The following ANTXR2 variants were observed in gnomAD, a reference collection of about 807,000 sequenced individuals.
ANTXR2 encodes the protein anthrax toxin receptor 2.
A neutral mutation model predicts 73.7 loss-of-function variants in ANTXR2; 44 were observed. That is an observed-to-expected ratio of 0.60 (90% CI 0.47 to 0.77). ANTXR2 has a LOEUF of 0.77. ANTXR2 is among the 30% of genes least tolerant of loss of function. ANTXR2 has a pLI of 0.00. For synonymous variants in ANTXR2, 217 were observed against 205.9 expected (o/e 1.05, Z -0.46); for missense variants, 604 against 592.5 (o/e 1.02, Z -0.20).
chr4:79,984,332 G>A (rs1730013484), intron 13 of ANTXR2, among the ~76,000 whole-genome samples: 2 of 152,284 alleles, frequency 1.3e-5, no homozygotes, highest in South Asian at 4.1e-4. Context: ...GCATCAATGT[G>A]TGTGTAGGTT....
At chr4:79,994,883 A>G (rs1730650759) in intron 12 of ANTXR2, among the ~76,000 whole-genome samples, 1 of 151,926 alleles carries the variant, frequency 6.6e-6, no homozygotes, top group Admixed American at 6.6e-5. Context: ...TTCTATTCTC[A>G]TTGTTAAAAT....
intron 16 of ANTXR2, among the ~76,000 whole-genome samples, chr4:79,944,924 C>T (rs1728462319): frequency 6.6e-6 from 1 of 152,056 alleles, no homozygotes; most frequent in Admixed American, 6.6e-5. Flanking sequence ...CCTAACAACA[C>T]TTCAATTTTC....
chr4:79,958,944 T>C (rs1187498074), intron 16 of ANTXR2, among the ~76,000 whole-genome samples: 1 of 152,146 alleles, frequency 6.6e-6, no homozygotes, highest in African/African-American at 2.4e-5. Context: ...CATTAAAATA[T>C]ATGATTTGGC....
chr4:80,071,308 A>G (rs1398746211), intron 2 of ANTXR2, among the ~76,000 whole-genome samples: 2 of 152,216 alleles, frequency 1.3e-5, no homozygotes, highest in African/African-American at 4.8e-5. Flanking sequence ...CATAACTGAA[A>G]TTCAAAACAG....
intron 16 of ANTXR2, among the ~76,000 whole-genome samples, chr4:79,949,304 T>C (rs933290963): frequency 2.0e-5 from 3 of 152,150 alleles, no homozygotes; most frequent in Admixed American, 1.3e-4. Context: ...CAGGTAGTAA[T>C]TATTCCAATG....
chr4:79,931,483 CTT>C lies in ANTXR2; in HGVS notation c.1429-24018_1429-24017del, dbSNP rs376622356. ...TCTCTCTCTCTCTCTCTCTCTCTCT[CTT>C]TCTCCCCAAACACCCCACCCCCACT... On this transcript the variant is annotated intron_variant, in intron 16 of 16. Transcript: ENST00000403729. 1.3e-3 allele frequency among the ~76,000 whole-genome samples: 192 copies of C among 144,686 alleles called. 2 individuals carry two copies. The highest frequency in any genetic ancestry group is 5.7e-3 in the East Asian group (28 of 4,952). The allele number at this position is 144,686 out of a possible 152,430, so 94.9% of individuals were successfully genotyped here.
chr4:79,984,074 A>G, intron 13 of ANTXR2, 104 bp from the exon 14 acceptor site: 2 of 839,710 alleles, frequency 2.4e-6, no homozygotes, highest in Non-Finnish European at 3.7e-6. Context: ...TGTCATTACT[A>G]TGGAAAAAAC....
At chr4:79,972,712 T>C (rs1216185864) in intron 16 of ANTXR2, among the ~76,000 whole-genome samples, 4 of 6,532 alleles carry the variant, frequency 6.1e-4, no homozygotes, top group Admixed American at 1.7e-3. Context: ...TAGGTGGGAA[T>C]TGAACAATGA....
chr4:79,966,209 A>G (rs1348443815), intron 16 of ANTXR2, among the ~76,000 whole-genome samples: 2 of 110,844 alleles, frequency 1.8e-5, no homozygotes, highest in African/African-American at 2.6e-5. Context: ...AAATGTAGGT[A>G]GATAGTTATT....
At chr4:80,018,012 C>G (rs1191125150) in intron 11 of ANTXR2, among the ~76,000 whole-genome samples, 3 of 152,192 alleles carry the variant, frequency 2.0e-5, no homozygotes, top group South Asian at 2.1e-4. Flanking sequence ...GCAACTACCT[C>G]TATACAGATA....
At chr4:80,035,572 T>C (rs954193747) in intron 8 of ANTXR2, among the ~76,000 whole-genome samples, 1 of 152,140 alleles carries the variant, frequency 6.6e-6, no homozygotes, top group Non-Finnish European at 1.5e-5. Flanking sequence ...GTCACTTCCT[T>C]ATGTGCCCTG....
At chr4:80,067,701 C>A (rs1270742809) in intron 3 of ANTXR2, among the ~76,000 whole-genome samples, 1 of 151,906 alleles carries the variant, frequency 6.6e-6, no homozygotes, top group Non-Finnish European at 1.5e-5. Flanking sequence ...TCATTCTCAT[C>A]CACACAAGAA....
intron 16 of ANTXR2, among the ~76,000 whole-genome samples, chr4:79,955,254 C>T (rs1432935715): frequency 2.6e-5 from 4 of 152,194 alleles, no homozygotes; most frequent in African/African-American, 9.6e-5. Flanking sequence ...ATTTCCCTTA[C>T]TCTCTTTCAT....
intron 15 of ANTXR2, 77 bp downstream of exon 15, chr4:79,977,930 T>A: frequency 2.1e-6 from 3 of 1,458,778 alleles, no homozygotes; most frequent in Non-Finnish European, 9.3e-7. Flanking sequence ...TTCAAGTAGC[T>A]GGGGGGATGT....
chr4:79,978,330 G>T (rs1019851943), intron 14 of ANTXR2, among the ~76,000 whole-genome samples, 156 bp from the exon 15 acceptor site: 2 of 150,964 alleles, frequency 1.3e-5, no homozygotes, highest in African/African-American at 4.9e-5. Flanking sequence ...AGGCTAAATA[G>T]GTTTCTCACC....
chr4:79,957,609 G>A (rs1728974788), intron 16 of ANTXR2, among the ~76,000 whole-genome samples: 1 of 151,976 alleles, frequency 6.6e-6, no homozygotes. Flanking sequence ...TCATGACAGA[G>A]CTTTTCTTTT....
chr4:80,046,170 C>G (rs996248463), intron 7 of ANTXR2, among the ~76,000 whole-genome samples: 1 of 151,736 alleles, frequency 6.6e-6, no homozygotes, highest in African/African-American at 2.4e-5. Context: ...ATGGATAGTT[C>G]TGATTACATT....
At chr4:80,058,592 G>A (rs1734107443) in intron 3 of ANTXR2, among the ~76,000 whole-genome samples, 1 of 151,124 alleles carries the variant, frequency 6.6e-6, no homozygotes, top group Non-Finnish European at 1.5e-5. Flanking sequence ...TAAATATTAA[G>A]TTTTTCAATT....
chr4:80,054,512 C>T lies in ANTXR2; in HGVS notation c.556-160G>A, dbSNP rs190885258. Among the ~76,000 whole-genome samples, 20 of 151,836 alleles carry T rather than the reference C, an allele frequency of 1.3e-4. 1 individual carries two copies. In the East Asian group the frequency reaches 3.5e-3, roughly 27 times the overall value. Reference sequence around the variant, plus strand: ...AGGTCAGGAATTAAAGGTGATGATACTAGTGTTACTCTAAATGTATTACCA... The same window carrying T: ...AGGTCAGGAATTAAAGGTGATGATATTAGTGTTACTCTAAATGTATTACCA... On this transcript the variant is annotated intron_variant, in intron 6 of 16. Coordinates refer to ENST00000403729, the MANE Select transcript of ANTXR2 (RefSeq NM_058172.6).
Sources: gnomAD v4.1 joint callset for allele counts (sites outside exome capture counted in the v4.1 genomes callset) on GRCh38, gnomAD v4.1.1 for gene constraint, MANE v1.5 for transcripts, NCBI Gene and HGNC (gene_info 2026-07-23, HGNC 2026-07-21) for gene names.